The following PNPLA6 variants were observed in gnomAD, a reference collection of about 807,000 sequenced individuals.
PNPLA6 encodes the protein patatin-like phospholipase domain-containing protein 6.
Under a neutral mutation model 153.7 loss-of-function variants are expected in PNPLA6, and 105 were observed. That is an observed-to-expected ratio of 0.68 (90% CI 0.58 to 0.80). The LOEUF (loss-of-function observed/expected upper bound fraction) is 0.80, where lower values mean the gene tolerates loss of function less well. Ranked by LOEUF, PNPLA6 falls within the 30% of genes least tolerant of loss-of-function variation. The probability of loss-of-function intolerance (pLI) is 0.00; values close to 1 mark genes in which losing one functional copy is unlikely to be tolerated. For synonymous variants in PNPLA6, 825 were observed against 822.2 expected (o/e 1.00, Z -0.06); for missense variants, 1,423 against 1,919.3 (o/e 0.74, Z 4.83).
intron 28 of PNPLA6, among the ~76,000 whole-genome samples, chr19:7,560,138 C>T (rs1260438675): frequency 6.6e-6 from 1 of 151,764 alleles, no homozygotes; most frequent in Non-Finnish European, 1.5e-5. Flanking sequence ...GAGACTCTGT[C>T]TCAAAAAATA....
rs375584992 is a variant in PNPLA6, at chr19:7,554,008, G to T, written c.2394G>T (p.Gln798His). The change falls in exon 19 of 32, where the codon CAG becomes CAT. Residue 798 changes from glutamine to histidine, a missense_variant. Gln to His is a conservative substitution (Grantham distance 24). Transcript: ENST00000600737. ...CGCTGGAGCTGCAGCACGCCCTGCA[G>T]GCCATCGGTCAGTGGGGTGAGGGTC... ...AFTLELQHALQAIGPTLLLNS... is the reference protein window; with the variant it reads ...AFTLELQHALHAIGPTLLLNS... 6.2e-7 allele frequency: 1 copy of T among 1,613,960 alleles called. No individual in the cohort carries two copies. The highest frequency in any genetic ancestry group is 8.5e-7 in the Non-Finnish European group (1 of 1,179,972).
At chr19:7,538,361 T>A (rs932689799) in intron 3 of PNPLA6, among the ~76,000 whole-genome samples, 1 of 152,090 alleles carries the variant, frequency 6.6e-6, no homozygotes, top group African/African-American at 2.4e-5. Context: ...TTAAATTTTT[T>A]TGTAGAGATG....
rs775765594 is a variant in PNPLA6, at chr19:7,535,751, C to A, written c.-38C>A. ...GCCGCCGGGCCTCAGGGAAGAGTCG[C>A]GCCCCCGGGGAGGGAGCAGCACTGG... On this transcript the variant is annotated 5_prime_UTR_variant, in exon 1 of 32. Coordinates refer to ENST00000600737, the MANE Select transcript of PNPLA6 (RefSeq NM_001166114.2). This position sits in a 1 kb window ranked among gnomAD's most constrained non-coding sequence, Gnocchi z 5.0. 26 of 1,518,634 alleles carry A rather than the reference C, an allele frequency of 1.7e-5. No individual in the cohort carries two copies. The South Asian group carries it at 3.0e-4, about 18-fold the overall frequency. 94.1% of individuals were successfully genotyped at this position (1,518,634 alleles called of 1,614,324 possible). A position where few individuals can be genotyped will look rare whatever the true frequency, so the allele number is the denominator to read the frequency against.
At chr19:7,546,279 G>A (rs1022432325) in intron 13 of PNPLA6, among the ~76,000 whole-genome samples, 1 of 151,994 alleles carries the variant, frequency 6.6e-6, no homozygotes. Context: ...TTTTTGGGGG[G>A]GTGTAATGGT....
In PNPLA6 at chr19:7,554,292, G is replaced by A; in HGVS notation, c.2465+20G>A. On this transcript the variant is annotated intron_variant, in intron 20 of 31. Coordinates refer to ENST00000600737, the MANE Select transcript of PNPLA6 (RefSeq NM_001166114.2). ...GGATAGGTGTGTGTTGCAGAAGGGAGTGGGGAGGGTGGTGGGTGGGCCTGG... is the reference window on the plus strand; with the variant it reads ...GGATAGGTGTGTGTTGCAGAAGGGAATGGGGAGGGTGGTGGGTGGGCCTGG... 1.9e-6 allele frequency: 3 copies of A among 1,606,890 alleles called. No homozygotes were observed. The highest frequency in any genetic ancestry group is 1.7e-6 in the Non-Finnish European group (2 of 1,173,452).
chr19:7,550,625 C>T lies in PNPLA6; in HGVS notation c.2055C>T (p.Gly685=), dbSNP rs769701909. The change falls in exon 16 of 32, where the codon GGC becomes GGT. Residue 685 remains glycine (G), a synonymous_variant. Coordinates refer to ENST00000600737, the MANE Select transcript of PNPLA6 (RefSeq NM_001166114.2). ...AGCTGGTGGGCGAGTACGGCCGCGG[C>T]GACCTCATCGGCGTGGTGAGCGCGA... ...KKELVGEYGR[G]DLIGVVEALT... 1 of 1,611,334 alleles carries T rather than the reference C, an allele frequency of 6.2e-7. No individual in the cohort carries two copies. Among genetic ancestry groups the T allele is most frequent in the Non-Finnish European group, 8.5e-7 (1 of 1,179,778 alleles).
intron 18 of PNPLA6, among the ~76,000 whole-genome samples, chr19:7,552,489 G>C (rs793864): frequency 0.86 from 130,163 of 152,226 alleles, 56,028 homozygotes; most frequent in African/African-American, 0.92. Flanking sequence ...GGGGCGGTGG[G>C]TCACGCCTGT....
In PNPLA6 at chr19:7,542,631, G is replaced by A. The variant is rs17854646; in HGVS notation, c.1323G>A (p.Gln441=). The A allele has an allele frequency of 6.2e-7, 1 of 1,613,484 alleles. No individual in the cohort carries two copies. The highest frequency in any genetic ancestry group is 1.3e-5 in the African/African-American group (1 of 74,944). Residue 441 remains glutamine (Q), a synonymous_variant, in exon 11 of 32, where the codon CAG becomes CAA. Transcript: ENST00000600737. The part of the protein sequence containing the change: ...YERGRISVSL[Q]EEASGGSLAA... ...GTGGCCGGATCTCCGTGTCCCTGCA[G>A]GAAGAGGCCTCCGGGGGGTCCCTGG...
In PNPLA6 at chr19:7,556,587, C is replaced by A; in HGVS notation, c.3210+18C>A. The stretch of plus-strand genomic sequence containing the variant: ...AGATTGAGGTAGGCCCACCTCATCC[C>A]CTGCCCTGCCTACCCCTCCCCGGAG... On this transcript the variant is annotated intron_variant, in intron 25 of 31. Transcript: ENST00000600737. 1 of 1,582,792 alleles carries A rather than the reference C, an allele frequency of 6.3e-7. No individual in the cohort carries two copies. The highest frequency in any genetic ancestry group is 8.7e-7 in the Non-Finnish European group (1 of 1,151,450).
chr19:7,553,999 C>T lies in PNPLA6; in HGVS notation c.2385C>T (p.His795=), dbSNP rs143914980. ...PMVAFTLELQ[H]ALQAIGPTLL... Reference sequence around the variant, plus strand: ...TGGCCTTCACGCTGGAGCTGCAGCACGCCCTGCAGGCCATCGGTCAGTGGG... The same window carrying T: ...TGGCCTTCACGCTGGAGCTGCAGCATGCCCTGCAGGCCATCGGTCAGTGGG... Residue 795 remains histidine (H), a synonymous_variant, in exon 19 of 32, where the codon CAC becomes CAT. Transcript: ENST00000600737. 356 of 1,611,948 alleles carry T rather than the reference C, an allele frequency of 2.2e-4. 1 individual carries two copies. In the African/African-American group the frequency reaches 4.0e-3, roughly 18 times the overall value.
chr19:7,561,236 T>A lies in PNPLA6; in HGVS notation c.3942T>A (p.Tyr1314Ter). ...AGGAGTCAGATTGTCTGACAGAGTA[T>A]GAGGAGGACGCCGGACCCGACTGCT... is the stretch of plus-strand genomic sequence containing the variant. The part of the protein sequence containing the change: ...DGEESDCLTE[Y>*]EEDAGPDCSR... The change falls in exon 31 of 32, where the codon TAT (tyrosine) becomes TAA (stop). Residue 1314 changes from tyrosine to a stop codon, truncating the protein, a stop_gained. Transcript: ENST00000600737. LOFTEE classifies it high-confidence loss of function. The A allele has an allele frequency of 3.7e-6, 6 of 1,610,416 alleles. No individual in the cohort carries two copies. The highest frequency in any genetic ancestry group is 5.1e-6 in the Non-Finnish European group (6 of 1,178,980).
chr19:7,549,203 T>TTC (rs1555747771), intron 13 of PNPLA6, among the ~76,000 whole-genome samples: 1 of 143,886 alleles, frequency 6.9e-6, no homozygotes, highest in South Asian at 2.1e-4. Context: ...TTTTTTTTTT[T>TTC]TGAGACGGAG....
At position 7,551,516 on chromosome 19, in the gene PNPLA6, C is replaced by T. The variant is rs893550803; in HGVS notation, c.2260+79C>T. ...CATGCTGGGAGGGAAGCCTTCTTTC[C>T]TGAGGGATGCTGGGAAATGGAGTTC... is the stretch of plus-strand genomic sequence containing the variant. On this transcript the variant is annotated intron_variant, in intron 18 of 31. Coordinates refer to ENST00000600737, the MANE Select transcript of PNPLA6 (RefSeq NM_001166114.2). 5.0e-6 allele frequency: 6 copies of T among 1,208,066 alleles called. No homozygotes were observed. The African/African-American group carries it at 7.5e-5, about 15-fold the overall frequency. 74.8% of individuals were successfully genotyped at this position (1,208,066 alleles called of 1,614,324 possible). A position where few individuals can be genotyped will look rare whatever the true frequency, so the allele number is the denominator to read the frequency against.
chr19:7,538,057 A>G (rs1042205648), intron 3 of PNPLA6, among the ~76,000 whole-genome samples: 24 of 151,966 alleles, frequency 1.6e-4, no homozygotes, highest in African/African-American at 5.6e-4. Flanking sequence ...GTGTTTGCAC[A>G]CTCTTAAGGG....
At chr19:7,542,138 G>C in intron 10 of PNPLA6, 71 bp downstream of exon 10, 5 of 1,208,428 alleles carry the variant, frequency 4.1e-6, no homozygotes, top group Admixed American at 1.7e-5. Flanking sequence ...CCGCCTGCCT[G>C]TCTTGATTGT....
intron 3 of PNPLA6, among the ~76,000 whole-genome samples, chr19:7,537,635 TTTTG>T (rs373041665): frequency 0.032 from 4,847 of 152,176 alleles, 115 homozygotes; most frequent in Non-Finnish European, 0.052. Flanking sequence ...GTCCTTTCTT[TTTTG>T]TTTGTTTGTT....
chr19:7,551,051 G>T lies in PNPLA6; in HGVS notation c.2128G>T (p.Glu710Ter). ...GACGGTGCACGCGGTGCGCGACACGGAGCTGGCCAAGCTTCCCGAGGGCAC... is the reference window on the plus strand; with the variant it reads ...GACGGTGCACGCGGTGCGCGACACGTAGCTGGCCAAGCTTCCCGAGGGCAC... ...ATTVHAVRDT[E>*]LAKLPEGTLG... is the part of the protein sequence containing the mutation. The change falls in exon 17 of 32, where the codon GAG becomes TAG. Residue 710 changes from glutamate (E) to a stop codon, truncating the protein, a stop_gained. Coordinates refer to ENST00000600737, the MANE Select transcript of PNPLA6 (RefSeq NM_001166114.2). LOFTEE classifies it high-confidence loss of function. 1 of 1,549,964 alleles carries T rather than the reference G, an allele frequency of 6.5e-7. No individual in the cohort carries two copies. The highest frequency in any genetic ancestry group is 8.7e-7 in the Non-Finnish European group (1 of 1,147,000).
At position 7,541,732 on chromosome 19, in the gene PNPLA6, C is replaced by T. The variant is rs914400592; in HGVS notation, c.1168+48C>T. 5.9e-6 allele frequency: 9 copies of T among 1,534,126 alleles called. No individual in the cohort carries two copies. The highest frequency in any genetic ancestry group is 5.5e-5 in the African/African-American group (4 of 73,128). ...CCGAGCCCAATCTCCCAGGAAGCCC[C>T]GTCTCAGCCGCCAGCCCCTTTTTCA... is the stretch of plus-strand genomic sequence containing the variant. On this transcript the variant is annotated intron_variant, in intron 9 of 31. Transcript: ENST00000600737. The surrounding 1 kb of genome is among the most constrained non-coding windows in gnomAD (Gnocchi z 5.2).
intron 17 of PNPLA6, 44 bp from the exon 18 acceptor site, chr19:7,551,318 C>G: frequency 6.3e-7 from 1 of 1,580,464 alleles, no homozygotes; most frequent in Non-Finnish European, 8.7e-7. Context: ...CCTGGACAGC[C>G]GCTTCCCAGG....
Sources: allele counts gnomAD v4.1 joint callset (sites outside exome capture counted in the v4.1 genomes callset), GRCh38; gene constraint gnomAD v4.1.1; non-coding constraint Gnocchi (gnomAD v3.1); transcripts MANE v1.5; gene names NCBI Gene and HGNC (gene_info 2026-07-23, HGNC 2026-07-21).